FAM135A: variants seen among roughly 807,000 people sequenced by gnomAD.
The protein encoded by FAM135A is protein FAM135A.
Under a neutral mutation model 146.8 loss-of-function variants are expected in FAM135A, and 79 were observed. The observed-to-expected ratio is 0.54, with a 90% CI of 0.45 to 0.65. The LOEUF (loss-of-function observed/expected upper bound fraction) is 0.65. Ranked by LOEUF, FAM135A falls within the 30% of genes least tolerant of loss-of-function variation. FAM135A has a pLI of 0.00. For missense variants in FAM135A, 1,623 were observed against 1,758.2 expected (o/e 0.92, Z 1.38); for synonymous variants, 562 against 603.6 (o/e 0.93, Z 1.01).
intron 20 of FAM135A, among the ~76,000 whole-genome samples, chr6:70,541,202 T>C (rs1367407859): frequency 2.0e-5 from 3 of 152,208 alleles, no homozygotes; most frequent in Non-Finnish European, 4.4e-5. Flanking sequence ...ATCTTAATAA[T>C]AATAATAAAT....
At chr6:70,483,847 C>T (rs1784162395) in intron 10 of FAM135A, among the ~76,000 whole-genome samples, 1 of 152,164 alleles carries the variant, frequency 6.6e-6, no homozygotes. Context: ...ATGTGGAATA[C>T]TACAGTAGTT....
chr6:70,485,318 T>C (rs1419113291), intron 10 of FAM135A, among the ~76,000 whole-genome samples: 2 of 152,104 alleles, frequency 1.3e-5, no homozygotes, highest in Non-Finnish European at 2.9e-5. Flanking sequence ...TTCTTAAACT[T>C]TACGGTTTTT....
Position 70,525,562 on chromosome 6 carries a change from T to C in FAM135A, c.2478T>C (p.Ser826=), listed in dbSNP as rs1466668465. The C allele has an allele frequency of 6.2e-7, 1 of 1,613,380 alleles. No individual in the cohort carries two copies. The highest frequency in any genetic ancestry group is 1.3e-5 in the African/African-American group (1 of 74,890). Residue 826 remains serine (S), a synonymous_variant, in exon 15 of 22, where the codon AGT becomes AGC. Coordinates refer to ENST00000418814, the MANE Select transcript of FAM135A (RefSeq NM_001162529.3). ...CATTAGGAAATCATTGTACTGAGAG[T>C]ACAAGTGCTATAAGTGAAATACAGT... ...KFSLGNHCTE[S]TSAISEIQSS... is the part of the protein sequence containing the mutation.
At chr6:70,537,684 A>G (rs573488285) in intron 19 of FAM135A, among the ~76,000 whole-genome samples, 1 of 152,310 alleles carries the variant, frequency 6.6e-6, no homozygotes, top group African/African-American at 2.4e-5. Flanking sequence ...AATGGAAAAG[A>G]ATATTTCATA....
chr6:70,477,387 T>C, intron 8 of FAM135A, 55 bp downstream of exon 8: 1 of 1,528,224 alleles, frequency 6.5e-7, no homozygotes, highest in South Asian at 1.2e-5. Context: ...AATAAAGAAA[T>C]ACCTGAGACT....
chr6:70,525,426 C>T lies in FAM135A; in HGVS notation c.2342C>T (p.Thr781Ile). The T allele has an allele frequency of 1.9e-6, 3 of 1,613,708 alleles. No homozygotes were observed. The highest frequency in any genetic ancestry group is 2.2e-5 in the East Asian group (1 of 44,858). The change falls in exon 15 of 22, where the codon ACA becomes ATA. Residue 781 changes from threonine to isoleucine, a missense_variant. Coordinates refer to ENST00000418814, the MANE Select transcript of FAM135A (RefSeq NM_001162529.3). The stretch of plus-strand genomic sequence containing the variant: ...GAAAGTGAACCGAGTTCTTTTGCGA[C>T]ACATCCAAACACTGATTTAGTCTTT... ...GVESEPSSFA[T>I]HPNTDLVFET...
At chr6:70,512,333 A>C (rs536659069) in intron 12 of FAM135A, among the ~76,000 whole-genome samples, 94 of 151,960 alleles carry the variant, frequency 6.2e-4, no homozygotes, top group Admixed American at 1.9e-3. Flanking sequence ...ATTCTTCTAC[A>C]GATCTTTTTT....
At chr6:70,501,865 G>A (rs1162221339) in intron 11 of FAM135A, among the ~76,000 whole-genome samples, 6 of 152,176 alleles carry the variant, frequency 3.9e-5, no homozygotes, top group Non-Finnish European at 7.3e-5. Context: ...CACCTTCTGC[G>A]ATGGTGTCAC....
chr6:70,487,833 T>C (rs1010602311), intron 10 of FAM135A, among the ~76,000 whole-genome samples: 7 of 152,164 alleles, frequency 4.6e-5, no homozygotes, highest in Non-Finnish European at 1.0e-4. Context: ...CAGAATGCAG[T>C]TTAATGTAAT....
intron 2 of FAM135A, among the ~76,000 whole-genome samples, chr6:70,421,905 A>G (rs920380180): frequency 6.6e-6 from 1 of 152,210 alleles, no homozygotes; most frequent in African/African-American, 2.4e-5. Flanking sequence ...AGCTTCTTGT[A>G]GATACAGAGA....
chr6:70,466,718 G>A (rs1287616978), intron 5 of FAM135A, among the ~76,000 whole-genome samples: 3 of 152,142 alleles, frequency 2.0e-5, no homozygotes, highest in African/African-American at 4.8e-5. Context: ...TCAGGAGCAG[G>A]CCAAAGCAGA....
chr6:70,542,401 A>G (rs965341670), intron 20 of FAM135A, among the ~76,000 whole-genome samples: 14 of 151,662 alleles, frequency 9.2e-5, no homozygotes, highest in African/African-American at 3.1e-4. Flanking sequence ...GTACCTCCTC[A>G]TGTGTTTACC....
At chr6:70,504,434 G>A (rs140800167) in intron 12 of FAM135A, 2 of 151,816 alleles carry the variant, frequency 1.3e-5, no homozygotes, top group South Asian at 2.1e-4. Context: ...GTTTTTTAAT[G>A]AACTGGAGGT....
At chr6:70,521,411 G>A (rs1793551096) in intron 12 of FAM135A, among the ~76,000 whole-genome samples, 3 of 152,104 alleles carry the variant, frequency 2.0e-5, no homozygotes, top group Non-Finnish European at 4.4e-5. Context: ...TGTTGGAGAG[G>A]GGAAAAAAGC....
chr6:70,534,680 T>C (rs1796490318), intron 18 of FAM135A, among the ~76,000 whole-genome samples: 1 of 152,178 alleles, frequency 6.6e-6, no homozygotes, highest in Non-Finnish European at 1.5e-5. Context: ...ATTACACCAG[T>C]ATGAGTTTCA....
Position 70,556,851 on chromosome 6 carries a change from GACAA to G in FAM135A, c.4334_4337del (p.Lys1445SerfsTer9), listed in dbSNP as rs1158881231. 1.2e-6 allele frequency: 2 copies of G among 1,613,372 alleles called. No individual in the cohort carries two copies. The highest frequency in any genetic ancestry group is 8.5e-7 in the Non-Finnish European group (1 of 1,179,752). On this transcript the variant is annotated frameshift_variant, in exon 21 of 22. Transcript: ENST00000418814. LOFTEE classifies it high-confidence loss of function. The stretch of plus-strand genomic sequence containing the variant: ...TGAAATGTGTAAAACAGCTTTAAAG[GACAA>G]ACAGTCAGGTAATGGAATAAAATTA...
At chr6:70,446,094 TC>T (rs1775665486) in intron 4 of FAM135A, among the ~76,000 whole-genome samples, 2 of 152,248 alleles carry the variant, frequency 1.3e-5, no homozygotes, top group Non-Finnish European at 1.5e-5. Flanking sequence ...GCACTCCAGT[TC>T]CTGGCATTAA....
chr6:70,475,772 T>G (rs1367674464), intron 7 of FAM135A, 39 bp downstream of exon 7: 1 of 1,471,196 alleles, frequency 6.8e-7, no homozygotes, highest in Non-Finnish European at 9.4e-7. Flanking sequence ...TAGGCACTTA[T>G]GACTGTTATT....
chr6:70,507,702 A>C (rs187839018), intron 12 of FAM135A, among the ~76,000 whole-genome samples: 1 of 152,154 alleles, frequency 6.6e-6, no homozygotes, highest in Admixed American at 6.6e-5. Context: ...TTCTGTAGTC[A>C]CATGCCGTAC....
Sources: gnomAD v4.1 joint callset for allele counts (sites outside exome capture counted in the v4.1 genomes callset) on GRCh38, gnomAD v4.1.1 for gene constraint, MANE v1.5 for transcripts, NCBI Gene and HGNC (gene_info 2026-07-23, HGNC 2026-07-21) for gene names.